The following NRXN1 variants were observed in gnomAD, a reference collection of about 807,000 sequenced individuals.
The protein encoded by NRXN1 is neurexin 1.
A neutral mutation model predicts 150.9 loss-of-function variants in NRXN1; 39 were observed. That is an observed-to-expected ratio of 0.26 (90% confidence interval 0.20 to 0.34). NRXN1 has a LOEUF of 0.34. NRXN1 is among the 10% of genes least tolerant of loss of function. NRXN1 has a pLI of 1.00. For synonymous variants in NRXN1, 924 were observed against 757.0 expected (o/e 1.22, Z -3.62); for missense variants, 1,815 against 1,949.9 (o/e 0.93, Z 1.30).
At chr2:50,025,925 G>A (rs943223192) in intron 21 of NRXN1, among the ~76,000 whole-genome samples, 4 of 152,138 alleles carry the variant, frequency 2.6e-5, no homozygotes, top group Non-Finnish European at 5.9e-5. Context: ...TAGCCTATGT[G>A]GCCCAACTTC....
At chr2:50,809,641 C>G (rs895584781) in intron 5 of NRXN1, among the ~76,000 whole-genome samples, 5 of 152,106 alleles carry the variant, frequency 3.3e-5, no homozygotes, top group Admixed American at 2.6e-4. Context: ...AATGTTAATT[C>G]TAACCTAAAA....
chr2:50,801,317 T>C (rs1707555914), intron 5 of NRXN1, among the ~76,000 whole-genome samples: 1 of 152,182 alleles, frequency 6.6e-6, no homozygotes, highest in Admixed American at 6.5e-5. Flanking sequence ...ACAAGTAGTA[T>C]TGGGTTTTAT....
intron 12 of NRXN1, among the ~76,000 whole-genome samples, chr2:50,520,769 T>C (rs748269086): frequency 5.9e-5 from 9 of 152,152 alleles, no homozygotes; most frequent in Non-Finnish European, 1.0e-4. Flanking sequence ...TTTTTATTTA[T>C]TGTACTCATC....
chr2:50,828,725 G>T (rs1306830666), intron 5 of NRXN1, among the ~76,000 whole-genome samples: 2 of 151,760 alleles, frequency 1.3e-5, no homozygotes, highest in Non-Finnish European at 2.9e-5. Context: ...GCCGGGCAGA[G>T]ACCCTCCTCA....
At chr2:50,406,848 A>G (rs1338495231) in intron 17 of NRXN1, among the ~76,000 whole-genome samples, 1 of 152,174 alleles carries the variant, frequency 6.6e-6, no homozygotes, top group Non-Finnish European at 1.5e-5. Context: ...ATAGGTCTAA[A>G]CTTCAAATGC....
chr2:50,584,317 T>C (rs750401573), intron 8 of NRXN1, among the ~76,000 whole-genome samples: 1 of 152,158 alleles, frequency 6.6e-6, no homozygotes, highest in Non-Finnish European at 1.5e-5. Flanking sequence ...TGCTAAGTTG[T>C]TTGTGTGGCC....
At chr2:50,922,503 G>T (rs1434155370) in intron 4 of NRXN1, 155 bp downstream of exon 4, 1 of 799,516 alleles carries the variant, frequency 1.3e-6, no homozygotes, top group Non-Finnish European at 2.1e-6. Flanking sequence ...AGAAATGGAA[G>T]AAAAACACAT....
intron 5 of NRXN1, among the ~76,000 whole-genome samples, chr2:50,843,381 T>C (rs1673156213): frequency 6.6e-6 from 1 of 152,218 alleles, no homozygotes; most frequent in Non-Finnish European, 1.5e-5. Flanking sequence ...AAGTCTAGTT[T>C]TCCTGATAGA....
At chr2:50,182,221 T>G (rs190685662) in intron 18 of NRXN1, among the ~76,000 whole-genome samples, 1 of 151,658 alleles carries the variant, frequency 6.6e-6, no homozygotes, top group African/African-American at 2.4e-5. Context: ...TATGGTAGAC[T>G]CTCAATAAAT....
At chr2:50,401,220 G>C (rs1279078466) in intron 17 of NRXN1, among the ~76,000 whole-genome samples, 4 of 152,056 alleles carry the variant, frequency 2.6e-5, no homozygotes, top group South Asian at 4.1e-4. Flanking sequence ...ATTAATTTTT[G>C]TTTCTAAAAT....
chr2:50,044,337 G>C (rs541022032), intron 21 of NRXN1, among the ~76,000 whole-genome samples: 1 of 152,284 alleles, frequency 6.6e-6, no homozygotes, highest in Non-Finnish European at 1.5e-5. Context: ...TCCTAGAAGG[G>C]AGCTAAGGGG....
At chr2:50,462,370 G>C (rs929590643) in intron 17 of NRXN1, among the ~76,000 whole-genome samples, 2 of 151,758 alleles carry the variant, frequency 1.3e-5, no homozygotes, top group African/African-American at 4.8e-5. Context: ...AGAATTAGGA[G>C]AGACTGATGA....
intron 2 of NRXN1, among the ~76,000 whole-genome samples, chr2:50,999,631 G>C (rs1392732936): frequency 2.6e-5 from 4 of 151,958 alleles, no homozygotes; most frequent in African/African-American, 9.7e-5. Context: ...AAATAGAAAA[G>C]AACCTACGTG....
At chr2:50,082,158 A>G (rs1698067544) in intron 19 of NRXN1, among the ~76,000 whole-genome samples, 2 of 152,238 alleles carry the variant, frequency 1.3e-5, no homozygotes, top group South Asian at 2.1e-4. Flanking sequence ...TTAATTTTTT[A>G]TATCTGACAT....
chr2:50,967,989 G>A (rs192224696), intron 2 of NRXN1, among the ~76,000 whole-genome samples: 1 of 151,954 alleles, frequency 6.6e-6, no homozygotes, highest in East Asian at 1.9e-4. Flanking sequence ...TCTCTCTCGG[G>A]GCTAACTTTT....
intron 18 of NRXN1, among the ~76,000 whole-genome samples, chr2:50,131,463 G>C (rs187209270): frequency 5.3e-5 from 8 of 152,220 alleles, no homozygotes; most frequent in Admixed American, 5.2e-4. Context: ...TACAATTTAG[G>C]AGGTTTAACT....
chr2:50,265,609 C>T lies in NRXN1; in HGVS notation c.3365-28639G>A, dbSNP rs557239565. Among the ~76,000 whole-genome samples, 78 of 152,208 alleles carry T rather than the reference C, an allele frequency of 5.1e-4. 1 individual carries two copies. The highest frequency in any genetic ancestry group is 9.4e-4 in the African/African-American group (39 of 41,524). ...TTTGTGAAACTACTTCCAATAGCAA[C>T]GAACAAAGAAGAAAAATACAGAAAC... On this transcript the variant is annotated intron_variant, in intron 17 of 22. Coordinates refer to ENST00000401669, the MANE Select transcript of NRXN1 (RefSeq NM_001330078.2).
intron 18 of NRXN1, among the ~76,000 whole-genome samples, chr2:50,163,106 T>C (rs924295736): frequency 1.5e-5 from 2 of 136,986 alleles, no homozygotes; most frequent in East Asian, 2.4e-4. Flanking sequence ...TTACCTTAAA[T>C]ACTGAGCAAA....
chr2:50,728,034 T>C (rs1278374138), intron 5 of NRXN1, among the ~76,000 whole-genome samples: 2 of 152,184 alleles, frequency 1.3e-5, no homozygotes, highest in African/African-American at 4.8e-5. Flanking sequence ...TCTGTATCAT[T>C]ATTTAACTCC....
Sources: allele counts gnomAD v4.1 joint callset (sites outside exome capture counted in the v4.1 genomes callset), GRCh38; gene constraint gnomAD v4.1.1; transcripts MANE v1.5; gene names NCBI Gene and HGNC (gene_info 2026-07-23, HGNC 2026-07-21).